Variants in PMPCB observed in about 807,000 individuals in gnomAD.
The protein encoded by PMPCB is mitochondrial-processing peptidase subunit beta.
Under a neutral mutation model 61.5 loss-of-function variants are expected in PMPCB, and 46 were observed. The observed-to-expected ratio is 0.75, with a 90% CI of 0.59 to 0.96. The LOEUF (loss-of-function observed/expected upper bound fraction) is 0.96. PMPCB is among the 40% of genes least tolerant of loss of function. The probability of loss-of-function intolerance (pLI) is 0.00; values close to 1 mark genes in which losing one functional copy is unlikely to be tolerated. For synonymous variants in PMPCB, 191 were observed against 201.6 expected, an observed-to-expected ratio of 0.95 and a Z score of 0.44; for missense variants, 590 against 602.4, an observed-to-expected ratio of 0.98 and a Z score of 0.22.
the PMPCB span, among the ~76,000 whole-genome samples, chr7:103,343,949 G>A: frequency 6.6e-6 from 1 of 152,214 alleles, no homozygotes; most frequent in Non-Finnish European, 1.5e-5. Context: ...TGGACCTGAA[G>A]ACTCTTAAGT....
chr7:103,326,613 C>T (rs1372445075), intron 12 of PMPCB: 3 of 1,561,008 alleles, frequency 1.9e-6, no homozygotes, highest in Non-Finnish European at 2.6e-6. Context: ...TTAGAAGGAA[C>T]TGAGTTATCA....
the PMPCB span, chr7:103,337,488 T>G: frequency 5.6e-6 from 2 of 358,678 alleles, no homozygotes; most frequent in Non-Finnish European, 1.0e-5. Flanking sequence ...AGGAGTATTT[T>G]GTATCCACAC....
chr7:103,305,364 C>A (rs1489375171), intron 6 of PMPCB, among the ~76,000 whole-genome samples: 1 of 152,112 alleles, frequency 6.6e-6, no homozygotes, highest in East Asian at 1.9e-4. Flanking sequence ...TCCTGGCAGT[C>A]TGAATCTAGA....
intron 12 of PMPCB, chr7:103,326,496 A>G (rs751551070): frequency 6.3e-7 from 1 of 1,598,180 alleles, no homozygotes; most frequent in Admixed American, 1.7e-5. Flanking sequence ...AGACTACAAT[A>G]AACAAGCCAA....
chr7:103,326,605 A>AAT, intron 12 of PMPCB: 1 of 1,600,608 alleles, frequency 6.2e-7, no homozygotes, highest in Non-Finnish European at 8.5e-7. Flanking sequence ...CTTCACTTTT[A>AAT]GAAGGAACTG....
chr7:103,326,633 T>G, intron 12 of PMPCB: 1 of 1,613,722 alleles, frequency 6.2e-7, no homozygotes, highest in Non-Finnish European at 8.5e-7. Flanking sequence ...AAAAGTAGGA[T>G]CTACACTGTT....
intron 5 of PMPCB, 27 bp downstream of exon 5, chr7:103,304,067 A>G (rs760719110): frequency 6.8e-7 from 1 of 1,465,770 alleles, no homozygotes; most frequent in Non-Finnish European, 9.4e-7. Flanking sequence ...TTCTTGGTGT[A>G]TAAGGGAATT....
the PMPCB span, among the ~76,000 whole-genome samples, chr7:103,334,607 T>A: frequency 2.0e-5 from 3 of 149,714 alleles, no homozygotes; most frequent in East Asian, 3.9e-4. Flanking sequence ...TGAAAAAAAA[T>A]TTTTTTAATT....
At chr7:103,302,968 A>G (rs1025822010) in intron 4 of PMPCB, among the ~76,000 whole-genome samples, 3 of 152,216 alleles carry the variant, frequency 2.0e-5, no homozygotes, top group African/African-American at 4.8e-5. Flanking sequence ...ACTATGTACT[A>G]ATTCTTCAAG....
intron 4 of PMPCB, among the ~76,000 whole-genome samples, chr7:103,302,907 GTTTAT>G (rs1220239825): frequency 2.0e-5 from 3 of 151,976 alleles, no homozygotes; most frequent in Non-Finnish European, 4.4e-5. Context: ...AAGATTGTAA[GTTTAT>G]TTTATAACAT....
At chr7:103,306,643 C>T (rs184743057) in intron 6 of PMPCB, among the ~76,000 whole-genome samples, 6 of 152,246 alleles carry the variant, frequency 3.9e-5, no homozygotes, top group Admixed American at 2.0e-4. Context: ...CCTCAGCCTC[C>T]GAAAGTGTTG....
the PMPCB span, chr7:103,335,555 T>C: frequency 1.3e-5 from 2 of 151,264 alleles, no homozygotes; most frequent in East Asian, 3.9e-4. Context: ...TTTTTTTTAA[T>C]GAGACAGAGT....
In PMPCB at chr7:103,310,346, G is replaced by C. The variant is rs1301328499; in HGVS notation, c.1025G>C (p.Cys342Ser). The stretch of plus-strand genomic sequence containing the variant: ...TCTAGCAAGCTGGCCCAGCTCACTT[G>C]TCATGGCAATCTTTGCCATAGCTTT... ...NLSSKLAQLT[C>S]HGNLCHSFQS... Residue 342 changes from cysteine (C) to serine (S), a missense_variant, in exon 9 of 13, where the codon TGT (cysteine) becomes TCT (serine). By Grantham distance (112) the Cys-to-Ser change is moderately radical (BLOSUM62 -1). Transcript: ENST00000249269. The C allele has an allele frequency of 6.2e-7, 1 of 1,613,438 alleles. No individual in the cohort carries two copies. The highest frequency in any genetic ancestry group is 2.2e-5 in the East Asian group (1 of 44,832).
rs1817931533 is a variant in PMPCB, at chr7:103,314,439, C to T, written c.*2168C>T. On this transcript the variant is annotated 3_prime_UTR_variant, in exon 13 of 13. Coordinates refer to ENST00000249269, the MANE Select transcript of PMPCB (RefSeq NM_004279.3). ...CCACATAGCACTACTGCCAGTCACT[C>T]TTGCCTTCACAGGGTCACCTCTCCT... 1.0e-6 allele frequency: 1 copy of T among 985,282 alleles called. No individual in the cohort carries two copies. Among genetic ancestry groups the T allele is most frequent in the South Asian group, 4.7e-5 (1 of 21,292 alleles). 61.0% of individuals were successfully genotyped at this position (985,282 alleles called of 1,614,324 possible).
At chr7:103,342,381 A>G in the PMPCB span, among the ~76,000 whole-genome samples, 205 of 151,484 alleles carry the variant, frequency 1.4e-3, 1 homozygote, top group African/African-American at 4.9e-3. Flanking sequence ...TCTCGGCTCA[A>G]TGCCGTCTCC....
At chr7:103,342,982 A>G in the PMPCB span, among the ~76,000 whole-genome samples, 11 of 152,120 alleles carry the variant, frequency 7.2e-5, no homozygotes, top group East Asian at 1.6e-3. Flanking sequence ...AAAATAAAAA[A>G]TCTAAAAACA....
intron 2 of PMPCB, 36 bp downstream of exon 2, chr7:103,298,744 T>G: frequency 1.3e-6 from 2 of 1,586,574 alleles, no homozygotes; most frequent in South Asian, 2.3e-5. Context: ...AAGTGACCCT[T>G]CATTTAGCGT....
intron 4 of PMPCB, among the ~76,000 whole-genome samples, chr7:103,302,384 A>G (rs1361170165): frequency 6.6e-6 from 1 of 152,230 alleles, no homozygotes; most frequent in Non-Finnish European, 1.5e-5. Flanking sequence ...ACACATTTAA[A>G]AAAAAGATTC....
rs200619898 is a variant in PMPCB, at chr7:103,319,823, T to C, written c.*1431+7692T>C. On this transcript the variant is annotated intron_variant and NMD_transcript_variant, in intron 12 of 12. Coordinates refer to the PMPCB transcript ENST00000444457. ...ATCATTTTAACCCGCTCTGCCTCAT[T>C]ATCAGAAAAATGATTCCAGGTCTAA... 68 of 1,614,026 alleles carry C rather than the reference T, an allele frequency of 4.2e-5. No homozygotes were observed. The highest frequency in any genetic ancestry group is 5.6e-5 in the Non-Finnish European group (66 of 1,180,026).
Sources: gnomAD v4.1 joint callset for allele counts (sites outside exome capture counted in the v4.1 genomes callset) on GRCh38, gnomAD v4.1.1 for gene constraint, MANE v1.5 for transcripts, NCBI Gene and HGNC (gene_info 2026-07-23, HGNC 2026-07-21) for gene names.